The following DMD variants were observed in gnomAD, a reference collection of about 807,000 sequenced individuals.
DMD encodes mutant dystrophin.
DMD carries 63 observed loss-of-function variants against 330.1 expected under a neutral mutation model. The ratio of observed to expected loss-of-function variants is 0.19; its 90% CI spans 0.16 to 0.24. The LOEUF (loss-of-function observed/expected upper bound fraction) is 0.24, where lower values mean the gene tolerates loss of function less well. Among genes scored for constraint, DMD ranks in the 10% least tolerant of loss-of-function variants. The pLI is 1.00. For synonymous variants in DMD, 1,223 were observed against 959.8 expected, an observed-to-expected ratio of 1.27 and a Z score of -5.07; for missense variants, 3,344 against 2,684.1, an observed-to-expected ratio of 1.25 and a Z score of -5.43.
At chrX:32,585,598 T>G (rs7884965) in intron 13 of DMD, among the ~76,000 whole-genome samples, 1,609 of 96,975 alleles carry the variant, frequency 0.017, 35 homozygotes, top group African/African-American at 0.059. Flanking sequence ...TACTCGGGAG[T>G]CTGAGGTAGG....
intron 60 of DMD, among the ~76,000 whole-genome samples, chrX:31,421,938 CACACAT>C (rs1337715318): frequency 0.044 from 2,861 of 64,887 alleles, 216 homozygotes; most frequent in African/African-American, 0.2. Flanking sequence ...TATATACACA[CACACAT>C]ATATATATAT....
In DMD at chrX:32,021,275, G is replaced by C. The variant is rs752112307; in HGVS notation, c.6439-52761C>G. Among the ~76,000 whole-genome samples the C allele has an allele frequency of 4.5e-5, 5 of 112,111 alleles. No individual in the cohort carries two copies. In the East Asian group the frequency reaches 1.4e-3, roughly 31 times the overall value. On this transcript the variant is annotated intron_variant, in intron 44 of 78. Transcript: ENST00000357033. ...TTGAGAGAAAAGAATTCACAGAGAA[G>C]ATTAGAGATGGGGTGGTTCCCTTAA...
At chrX:32,479,384 C>T (rs1569564492) in intron 21 of DMD, among the ~76,000 whole-genome samples, 1 of 111,058 alleles carries the variant, frequency 9.0e-6, no homozygotes, top group Non-Finnish European at 1.9e-5. Context: ...TTTATTCCTC[C>T]AGTCTAACTG....
Position 31,907,957 on chromosome X carries a change from T to C in DMD, c.6912+21639A>G, listed in dbSNP as rs184959676. Among the ~76,000 whole-genome samples the C allele has an allele frequency of 1.7e-3, 194 of 112,197 alleles. 1 individual carries two copies. The highest frequency in any genetic ancestry group is 8.2e-3 in the Admixed American group (88 of 10,684). Reference sequence around the variant, plus strand: ...GACATTTATGCAGCTAACAGACACATGAAAAAATGCTCATCATCACTGGTC... The same window carrying C: ...GACATTTATGCAGCTAACAGACACACGAAAAAATGCTCATCATCACTGGTC... On this transcript the variant is annotated intron_variant, in intron 47 of 78. Coordinates refer to ENST00000357033, the MANE Select transcript of DMD (RefSeq NM_004006.3).
intron 59 of DMD, among the ~76,000 whole-genome samples, chrX:31,454,888 G>A (rs1289771694): frequency 9.2e-6 from 1 of 109,139 alleles, no homozygotes; most frequent in African/African-American, 3.3e-5. Context: ...AAGTTAGCCA[G>A]GACTACAAGC....
chrX:32,216,287 T>C (rs2097112071), intron 44 of DMD, among the ~76,000 whole-genome samples: 1 of 111,962 alleles, frequency 8.9e-6, no homozygotes, highest in Non-Finnish European at 1.9e-5. Flanking sequence ...CTAATCTATC[T>C]TTACCTGCAT....
At chrX:31,780,440 T>C (rs1315934632) in intron 50 of DMD, among the ~76,000 whole-genome samples, 1 of 112,239 alleles carries the variant, frequency 8.9e-6, no homozygotes, top group Non-Finnish European at 1.9e-5. Context: ...AGGAGAGCAA[T>C]GTTATATGTG....
At chrX:33,037,755 G>T (rs1473974705) in intron 1 of DMD, among the ~76,000 whole-genome samples, 1 of 111,723 alleles carries the variant, frequency 9.0e-6, no homozygotes, top group Non-Finnish European at 1.9e-5. Context: ...AATTTAGTAA[G>T]GTATACAAAA....
intron 1 of DMD, among the ~76,000 whole-genome samples, chrX:33,108,881 A>AAAAAAAAAAG (rs1201118214): frequency 5.0e-5 from 5 of 99,689 alleles, no homozygotes; most frequent in African/African-American, 6.9e-5. Context: ...AAAAAAAAAA[A>AAAAAAAAAAG]AAGAAGAAGA....
intron 2 of DMD, among the ~76,000 whole-genome samples, chrX:32,925,899 T>C (rs2088967919): frequency 8.9e-6 from 1 of 112,017 alleles, no homozygotes; most frequent in East Asian, 2.8e-4. Context: ...TATGGCTTGT[T>C]TTCTATATCT....
chrX:32,518,166 G>C (rs779893923), intron 17 of DMD, 35 bp from the exon 18 acceptor site: 1 of 1,175,536 alleles, frequency 8.5e-7, no homozygotes, highest in East Asian at 3.0e-5. Context: ...ATTATTTCTT[G>C]ATTATCTCTT....
intron 17 of DMD, among the ~76,000 whole-genome samples, chrX:32,518,997 C>CTT (rs56678455): frequency 1.7e-3 from 71 of 42,092 alleles, no homozygotes; most frequent in South Asian, 3.1e-3. Flanking sequence ...ATTTTCAAAC[C>CTT]TTTTTTTTTT....
At chrX:32,443,300 A>G (rs759188838) in intron 27 of DMD, among the ~76,000 whole-genome samples, 1 of 111,194 alleles carries the variant, frequency 9.0e-6, no homozygotes, top group East Asian at 2.9e-4. Flanking sequence ...GATGAAAAGT[A>G]TCAGTCTCAC....
chrX:31,262,614 C>T (rs959625728), intron 62 of DMD, among the ~76,000 whole-genome samples: 3 of 112,292 alleles, frequency 2.7e-5, no homozygotes, highest in South Asian at 3.7e-4. Context: ...TTTACTTTTC[C>T]ATAGAGACAA....
intron 1 of DMD, among the ~76,000 whole-genome samples, chrX:33,070,014 G>A (rs1383402193): frequency 2.7e-5 from 3 of 111,047 alleles, no homozygotes; most frequent in Non-Finnish European, 1.9e-5. Flanking sequence ...TCAAAATTAT[G>A]CCGGGATAAT....
chrX:33,317,274 T>C (rs753907151), intron 1 of DMD, among the ~76,000 whole-genome samples: 20 of 111,320 alleles, frequency 1.8e-4, no homozygotes, highest in Non-Finnish European at 3.6e-4. Flanking sequence ...TTTGCCAGAA[T>C]CCATGCTTTC....
At chrX:31,422,056 T>C (rs1257445042) in intron 60 of DMD, among the ~76,000 whole-genome samples, 1 of 98,430 alleles carries the variant, frequency 1.0e-5, no homozygotes, top group African/African-American at 3.8e-5. Context: ...TTTTTTTTTC[T>C]TTTTCTTTTT....
At chrX:31,318,902 G>A (rs1413161131) in intron 62 of DMD, among the ~76,000 whole-genome samples, 2 of 112,084 alleles carry the variant, frequency 1.8e-5, no homozygotes, top group Non-Finnish European at 3.8e-5. Context: ...AGGAGGAAAG[G>A]ACCAGCTTGT....
At chrX:31,779,974 GCT>G (rs1292361413) in intron 50 of DMD, among the ~76,000 whole-genome samples, 1 of 111,452 alleles carries the variant, frequency 9.0e-6, no homozygotes, top group Admixed American at 9.6e-5. Context: ...CCACAGCTTT[GCT>G]CTGAGTATTT....
Sources: gnomAD v4.1 joint callset for allele counts (sites outside exome capture counted in the v4.1 genomes callset) on GRCh38, gnomAD v4.1.1 for gene constraint, MANE v1.5 for transcripts, NCBI Gene and HGNC (gene_info 2026-07-23, HGNC 2026-07-21) for gene names.